Variants in KPNA6 observed in about 807,000 individuals in gnomAD.
KPNA6 encodes the protein karyopherin subunit alpha 6.
In KPNA6, 9 loss-of-function variants were observed where a neutral mutation model predicts 72.0. That is an observed-to-expected ratio of 0.13 (90% CI 0.08 to 0.22). The LOEUF (loss-of-function observed/expected upper bound fraction) is 0.22. Among genes scored for constraint, KPNA6 ranks in the 10% least tolerant of loss-of-function variants. The pLI is 1.00. For synonymous variants in KPNA6, 219 were observed against 242.1 expected (o/e 0.90, Z 0.89); for missense variants, 374 against 655.7 (o/e 0.57, Z 4.69).
chr1:32,161,524 C>T (rs1023126636), intron 7 of KPNA6, among the ~76,000 whole-genome samples: 11 of 152,132 alleles, frequency 7.2e-5, no homozygotes, highest in Admixed American at 2.6e-4. Flanking sequence ...CTTTCTTGGA[C>T]CCTTCACAGA....
chr1:32,155,785 G>A (rs565038310), intron 2 of KPNA6, among the ~76,000 whole-genome samples: 2 of 151,774 alleles, frequency 1.3e-5, no homozygotes, highest in East Asian at 3.9e-4. Flanking sequence ...GGAGTGCAGT[G>A]AGTGCAGTGA....
chr1:32,131,280 C>T lies in KPNA6; in HGVS notation c.4+23146C>T, dbSNP rs7536852. Among the ~76,000 whole-genome samples, 795 of 152,176 alleles carry T rather than the reference C, an allele frequency of 5.2e-3. 2 individuals carry two copies. Among genetic ancestry groups the T allele is most frequent in the African/African-American group, 0.018 (751 of 41,524 alleles). On this transcript the variant is annotated intron_variant, in intron 1 of 13. Coordinates refer to ENST00000373625, the MANE Select transcript of KPNA6 (RefSeq NM_012316.5). ...TTGCACTCCCGCTGGGCGACAAGAG[C>T]GAAACTTCATCTCAAAAAGAAGAAA...
chr1:32,147,897 C>T (rs567122315), intron 1 of KPNA6, among the ~76,000 whole-genome samples: 4 of 152,088 alleles, frequency 2.6e-5, no homozygotes, highest in South Asian at 2.1e-4. Flanking sequence ...TGGTCTCCAA[C>T]GCAAGCCATT....
chr1:32,142,918 A>G, intron 1 of KPNA6: 1 of 1,282,850 alleles, frequency 7.8e-7, no homozygotes, highest in Non-Finnish European at 1.0e-6. Flanking sequence ...CATGGTGACT[A>G]AAGAAGCTCA....
chr1:32,165,945 C>T (rs1348859238), intron 10 of KPNA6, among the ~76,000 whole-genome samples, 160 bp from the exon 11 acceptor site: 1 of 151,196 alleles, frequency 6.6e-6, no homozygotes, highest in Non-Finnish European at 1.5e-5. Flanking sequence ...TTGCAGTGAG[C>T]CGAGATTGTG....
chr1:32,169,569 C>A lies in KPNA6; in HGVS notation c.1245-313C>A, dbSNP rs1043120442. On this transcript the variant is annotated intron_variant, in intron 12 of 13. Coordinates refer to ENST00000373625, the MANE Select transcript of KPNA6 (RefSeq NM_012316.5). ...TCACACCATTCTCCTGCCTCAGCCT[C>A]CCGAGTAGCTGGGACTACAGGTGCC... Among the ~76,000 whole-genome samples the A allele has an allele frequency of 2.6e-5, 4 of 151,152 alleles. No homozygotes were observed. The South Asian group carries it at 8.4e-4, about 32-fold the overall frequency.
At position 32,168,831 on chromosome 1, in the gene KPNA6, T is replaced by G. The variant is rs139489561; in HGVS notation, c.1245-1051T>G. ...CAGAGCATCCAGGCTGGGCTGGGCT[T>G]GTGGTATTATGGTATTGTTGTGCCA... On this transcript the variant is annotated intron_variant, in intron 12 of 13. Coordinates refer to ENST00000373625, the MANE Select transcript of KPNA6 (RefSeq NM_012316.5). Among the ~76,000 whole-genome samples, 3 of 152,222 alleles carry G rather than the reference T, an allele frequency of 2.0e-5. No homozygotes were observed. The East Asian group carries it at 5.8e-4, about 29-fold the overall frequency.
At chr1:32,162,696 G>A (rs571706388) in intron 9 of KPNA6, among the ~76,000 whole-genome samples, 172 bp downstream of exon 9, 54 of 152,076 alleles carry the variant, frequency 3.6e-4, no homozygotes, top group African/African-American at 1.3e-3. Context: ...TTAGCTGGGC[G>A]CAGTGGCAGG....
chr1:32,152,531 G>A (rs1478669538), intron 1 of KPNA6, among the ~76,000 whole-genome samples: 2 of 152,096 alleles, frequency 1.3e-5, no homozygotes, highest in Non-Finnish European at 2.9e-5. Context: ...AAATTTATAA[G>A]CCTTAGAAAG....
intron 8 of KPNA6, 110 bp downstream of exon 8, chr1:32,162,156 C>G (rs1336942201): frequency 7.1e-6 from 7 of 979,188 alleles, no homozygotes; most frequent in Non-Finnish European, 1.1e-5. Flanking sequence ...CTGAAAGAAG[C>G]AATTGTTAGT....
At chr1:32,127,683 A>G (rs1641558655) in intron 1 of KPNA6, among the ~76,000 whole-genome samples, 1 of 152,184 alleles carries the variant, frequency 6.6e-6, no homozygotes. Context: ...TCTCAGAGGC[A>G]TTTTGCTGTG....
At chr1:32,139,939 G>A (rs1369181977) in intron 1 of KPNA6, among the ~76,000 whole-genome samples, 3 of 152,254 alleles carry the variant, frequency 2.0e-5, no homozygotes, top group South Asian at 2.1e-4. Flanking sequence ...ATGATAAAAT[G>A]TTAAAATAAC....
intron 11 of KPNA6, among the ~76,000 whole-genome samples, chr1:32,166,744 G>A (rs72478561): frequency 0.091 from 13,576 of 149,686 alleles, 825 homozygotes; most frequent in South Asian, 0.25. Flanking sequence ...CCTGGCTAAC[G>A]TGGTGAAACC....
At chr1:32,142,383 C>T (rs1252626824) in intron 1 of KPNA6, among the ~76,000 whole-genome samples, 1 of 151,902 alleles carries the variant, frequency 6.6e-6, no homozygotes, top group Non-Finnish European at 1.5e-5. Flanking sequence ...TTAAGGACAC[C>T]AGTTACTGGA....
At chr1:32,135,092 A>T (rs1231313599) in intron 1 of KPNA6, among the ~76,000 whole-genome samples, 3 of 150,488 alleles carry the variant, frequency 2.0e-5, no homozygotes, top group Non-Finnish European at 3.0e-5. Flanking sequence ...TTACAGACAG[A>T]GTTTCACTCT....
At chr1:32,162,550 G>A (rs1331993457) in intron 9 of KPNA6, 26 bp downstream of exon 9, 2 of 1,612,470 alleles carry the variant, frequency 1.2e-6, no homozygotes, top group African/African-American at 2.7e-5. Flanking sequence ...AGGGGTACAG[G>A]TTCTGGCTGG....
At chr1:32,156,993 C>A (rs780520576) in intron 3 of KPNA6, 48 bp downstream of exon 3, 1 of 1,394,880 alleles carries the variant, frequency 7.2e-7, no homozygotes, top group Non-Finnish European at 1.0e-6. Flanking sequence ...ACACCTGCTT[C>A]TAAGGACAGA....
intron 1 of KPNA6, among the ~76,000 whole-genome samples, chr1:32,112,436 A>G (rs1641257368): frequency 6.6e-6 from 1 of 152,160 alleles, no homozygotes; most frequent in African/African-American, 2.4e-5. Context: ...TCTTTATACT[A>G]TACTGTAGTC....
At chr1:32,142,136 A>G (rs1641848623) in intron 1 of KPNA6, among the ~76,000 whole-genome samples, 1 of 151,750 alleles carries the variant, frequency 6.6e-6, no homozygotes, top group South Asian at 2.1e-4. Flanking sequence ...CGCACCTGTA[A>G]TCCCAGCTAC....
Sources: gnomAD v4.1 joint callset for allele counts (sites outside exome capture counted in the v4.1 genomes callset) on GRCh38, gnomAD v4.1.1 for gene constraint, MANE v1.5 for transcripts, NCBI Gene and HGNC (gene_info 2026-07-23, HGNC 2026-07-21) for gene names.